Variants in HPSE2 observed in about 807,000 individuals in gnomAD.
HPSE2 encodes heparanase 2 (inactive).
A neutral mutation model predicts 60.5 loss-of-function variants in HPSE2; 38 were observed. That is an observed-to-expected ratio of 0.63 (90% CI 0.48 to 0.82). The LOEUF (loss-of-function observed/expected upper bound fraction) is 0.82. Ranked by LOEUF, HPSE2 falls within the 40% of genes least tolerant of loss-of-function variation. The probability of loss-of-function intolerance (pLI) is 0.00; values close to 1 mark genes in which losing one functional copy is unlikely to be tolerated. For synonymous variants in HPSE2, 295 were observed against 293.2 expected (o/e 1.01, Z -0.06); for missense variants, 713 against 740.4 (o/e 0.96, Z 0.43).
chr10:99,027,215 C>A (rs1957396870), intron 3 of HPSE2, among the ~76,000 whole-genome samples: 1 of 150,824 alleles, frequency 6.6e-6, no homozygotes, highest in Admixed American at 6.6e-5. Flanking sequence ...AATTGACAAA[C>A]CTTTAGTCAG....
At chr10:98,663,360 A>G (rs1266828094) in intron 6 of HPSE2, among the ~76,000 whole-genome samples, 1 of 152,160 alleles carries the variant, frequency 6.6e-6, no homozygotes, top group Admixed American at 6.5e-5. Context: ...AAAACCTAAT[A>G]AGGGACTCAT....
intron 9 of HPSE2, among the ~76,000 whole-genome samples, chr10:98,579,988 AC>A (rs1944748228): frequency 1.3e-5 from 2 of 152,154 alleles, no homozygotes; most frequent in South Asian, 4.1e-4. Context: ...TGATTTGTGG[AC>A]TTTCATGTCT....
At chr10:99,207,577 T>C (rs114453169) in intron 2 of HPSE2, among the ~76,000 whole-genome samples, 500 of 152,198 alleles carry the variant, frequency 3.3e-3, no homozygotes, top group African/African-American at 0.012. Flanking sequence ...AAAATAATAA[T>C]GGCTATAATA....
intron 10 of HPSE2, among the ~76,000 whole-genome samples, chr10:98,487,403 G>A (rs1941481964): frequency 6.6e-6 from 1 of 152,216 alleles, no homozygotes; most frequent in Admixed American, 6.5e-5. Context: ...GGGGTTGCAT[G>A]ACTGTCAGGG....
intron 6 of HPSE2, among the ~76,000 whole-genome samples, chr10:98,643,261 G>C (rs1946683350): frequency 6.6e-6 from 1 of 152,128 alleles, no homozygotes; most frequent in Non-Finnish European, 1.5e-5. Flanking sequence ...TTCTTAAATG[G>C]GGGATAATAT....
At chr10:98,685,190 A>C (rs1029673003) in intron 6 of HPSE2, among the ~76,000 whole-genome samples, 10 of 152,160 alleles carry the variant, frequency 6.6e-5, no homozygotes, top group African/African-American at 2.2e-4. Flanking sequence ...TAAGTTGCTG[A>C]CTTTGGTACA....
intron 5 of HPSE2, among the ~76,000 whole-genome samples, chr10:98,698,931 A>T (rs1446983803): frequency 5.3e-5 from 8 of 152,214 alleles, no homozygotes; most frequent in African/African-American, 1.7e-4. Context: ...CCCTCCCAAG[A>T]CTAAACCAGG....
At chr10:99,156,825 A>G (rs1430409927) in intron 2 of HPSE2, among the ~76,000 whole-genome samples, 1 of 94,742 alleles carries the variant, frequency 1.1e-5, no homozygotes, top group Non-Finnish European at 2.8e-5. Flanking sequence ...CTGTTTGCAG[A>G]TGACATGATT....
intron 3 of HPSE2, among the ~76,000 whole-genome samples, chr10:99,006,518 C>A (rs888157003): frequency 2.6e-5 from 4 of 152,136 alleles, no homozygotes; most frequent in African/African-American, 9.7e-5. Context: ...CAGTCATGGG[C>A]TATCATGGCT....
chr10:98,970,396 C>A (rs1201002520), intron 3 of HPSE2, among the ~76,000 whole-genome samples: 2 of 152,190 alleles, frequency 1.3e-5, no homozygotes, highest in African/African-American at 4.8e-5. Context: ...TGCCCCACTT[C>A]CAACACCAGA....
chr10:99,004,126 G>C (rs1449730406), intron 3 of HPSE2, among the ~76,000 whole-genome samples: 1 of 151,828 alleles, frequency 6.6e-6, no homozygotes, highest in Non-Finnish European at 1.5e-5. Context: ...CTTTCAGCCT[G>C]TGTGCCCTTA....
intron 3 of HPSE2, among the ~76,000 whole-genome samples, chr10:99,062,438 A>T (rs1169548914): frequency 2.0e-5 from 3 of 152,210 alleles, no homozygotes; most frequent in Admixed American, 1.3e-4. Context: ...CATTCTTCTT[A>T]TTCACAGACA....
chr10:99,110,482 GAAGT>G (rs1231024265), intron 3 of HPSE2, among the ~76,000 whole-genome samples: 1 of 152,110 alleles, frequency 6.6e-6, no homozygotes, highest in Non-Finnish European at 1.5e-5. Context: ...AGACTTTGGA[GAAGT>G]AAGACTCAAT....
At chr10:99,297,485 A>C in the HPSE2 span, among the ~76,000 whole-genome samples, 1 of 152,208 alleles carries the variant, frequency 6.6e-6, no homozygotes, top group African/African-American at 2.4e-5. Flanking sequence ...TCATTGTTTG[A>C]ATGCCAGAAA....
At chr10:98,964,643 C>T (rs2135246076) in intron 3 of HPSE2, among the ~76,000 whole-genome samples, 1 of 152,178 alleles carries the variant, frequency 6.6e-6, no homozygotes, top group East Asian at 1.9e-4. Flanking sequence ...CAATCTTCTG[C>T]TCTTGTATCT....
chr10:98,545,589 T>C (rs1002085990), intron 9 of HPSE2, among the ~76,000 whole-genome samples: 27 of 152,290 alleles, frequency 1.8e-4, no homozygotes, highest in East Asian at 1.2e-3. Context: ...AAAAGGCCTT[T>C]GACAAAATTC....
chr10:98,590,517 C>T (rs1287755957), intron 9 of HPSE2, among the ~76,000 whole-genome samples: 1 of 152,162 alleles, frequency 6.6e-6, no homozygotes, highest in Non-Finnish European at 1.5e-5. Flanking sequence ...TTCTCTTTTT[C>T]ATTCAGGACT....
intron 3 of HPSE2, among the ~76,000 whole-genome samples, chr10:99,082,348 G>A (rs1371155089): frequency 2.6e-5 from 4 of 152,202 alleles, no homozygotes; most frequent in Non-Finnish European, 5.9e-5. Flanking sequence ...AATAATGCAT[G>A]AGCACAATAG....
chr10:98,978,481 TAAC>T (rs1956137243), intron 3 of HPSE2, among the ~76,000 whole-genome samples: 1 of 152,082 alleles, frequency 6.6e-6, no homozygotes, highest in African/African-American at 2.4e-5. Context: ...AAAACAACAA[TAAC>T]AACAAAACCC....
Sources: allele counts gnomAD v4.1 joint callset (sites outside exome capture counted in the v4.1 genomes callset), GRCh38; gene constraint gnomAD v4.1.1; transcripts MANE v1.5; gene names NCBI Gene and HGNC (gene_info 2026-07-23, HGNC 2026-07-21).